The following TRIOBP variants were observed in gnomAD, a reference collection of about 807,000 sequenced individuals.
TRIOBP encodes the protein TRIO and F-actin-binding protein.
In TRIOBP, 169 loss-of-function variants were observed where a neutral mutation model predicts 238.8. That is an observed-to-expected ratio of 0.71 (90% confidence interval 0.62 to 0.80). The LOEUF (loss-of-function observed/expected upper bound fraction) is 0.80, where lower values mean the gene tolerates loss of function less well. TRIOBP is among the 30% of genes least tolerant of loss of function. The pLI, the probability that TRIOBP is intolerant of heterozygous loss-of-function variation, is 0.00. For missense variants in TRIOBP, 2,838 were observed against 3,122.6 expected (o/e 0.91, Z 2.17); for synonymous variants, 1,150 against 1,274.4 (o/e 0.90, Z 2.08).
At chr22:37,715,673 CCCTT>C in intron 5 of TRIOBP, 86 bp from the exon 6 acceptor site, 1 of 1,466,466 alleles carries the variant, frequency 6.8e-7, no homozygotes, top group South Asian at 1.2e-5. Context: ...CAATTCCCTT[CCCTT>C]CCTTCTGCCC....
chr22:37,737,660 CAAA>C (rs35569585), intron 9 of TRIOBP, among the ~76,000 whole-genome samples: 2 of 92,942 alleles, frequency 2.2e-5, no homozygotes, highest in Non-Finnish European at 4.4e-5. Flanking sequence ...GACTCCATCT[CAAA>C]AAAAAAAAAA....
At chr22:37,736,650 G>A (rs113885099) in intron 9 of TRIOBP, among the ~76,000 whole-genome samples, 213 of 152,260 alleles carry the variant, frequency 1.4e-3, no homozygotes, top group African/African-American at 4.5e-3. Context: ...TTATTGAGAC[G>A]GAGTTTCGCT....
At chr22:37,705,242 G>T (rs1214475740) in intron 3 of TRIOBP, among the ~76,000 whole-genome samples, 1 of 152,020 alleles carries the variant, frequency 6.6e-6, no homozygotes, top group African/African-American at 2.4e-5. Context: ...ACATGTGGTG[G>T]TGGGTGCCTG....
At chr22:37,702,463 C>T (rs953340748) in intron 3 of TRIOBP, among the ~76,000 whole-genome samples, 1 of 151,978 alleles carries the variant, frequency 6.6e-6, no homozygotes, top group East Asian at 1.9e-4. Context: ...CTCAGCCTCC[C>T]AAAGTGTTGG....
chr22:37,757,942 C>T lies in TRIOBP; in HGVS notation c.6017C>T (p.Pro2006Leu), dbSNP rs1230439079. 18 of 1,557,624 alleles carry T rather than the reference C, an allele frequency of 1.2e-5. No homozygotes were observed. The highest frequency in any genetic ancestry group is 1.7e-4 in the Middle Eastern group (1 of 5,826). ...CCAGAGGTGCCTGCTGGTGAGGGGC[C>T]GCGCCGGGGCCTGGGTGCCCCCCTG... Reference protein sequence around the residue: ...RTPEVPAGEGPRRGLGAPLTE... With the variant: ...RTPEVPAGEGLRRGLGAPLTE... Residue 2006 changes from proline to leucine, a missense_variant, in exon 16 of 24, where the codon CCG becomes CTG. By Grantham distance (98) the Pro-to-Leu change is moderately conservative. Around this residue, in one of 5 missense-constraint regions of TRIOBP, gnomAD observed 2,096 missense variants for 2,137.4 expected, o/e 0.98. Transcript: ENST00000644935.
intron 19 of TRIOBP, among the ~76,000 whole-genome samples, chr22:37,768,700 C>T (rs1033115835): frequency 2.0e-5 from 3 of 152,004 alleles, no homozygotes; most frequent in Non-Finnish European, 2.9e-5. Flanking sequence ...ACTTGGGAGG[C>T]TGAGGCAGGA....
rs547193607 is a variant in TRIOBP at position 37,767,457 on chromosome 22, G to A, written c.6473-617G>A. ...AGCTCACAATCTGAGAATAAAGCCA[G>A]CAGGAGCTAATGTTGGGGCATTTAC... On this transcript the variant is annotated intron_variant, in intron 18 of 23. Transcript: ENST00000644935. Among the ~76,000 whole-genome samples the A allele has an allele frequency of 7.9e-5, 12 of 152,304 alleles. No homozygotes were observed. In the South Asian group the frequency reaches 2.3e-3, roughly 29 times the overall value.
Position 37,774,139 on chromosome 22 carries a change from A to T in TRIOBP, c.*359A>T, listed in dbSNP as rs78102894. On this transcript the variant is annotated 3_prime_UTR_variant, in exon 24 of 24. Transcript: ENST00000644935. ...TTTATACTTTAAAAAAAAAAAAAAAAAGCAATTCCTGGTGGCTGTGTGCCT... is the reference window on the plus strand; with the variant it reads ...TTTATACTTTAAAAAAAAAAAAAAATAGCAATTCCTGGTGGCTGTGTGCCT... 2.0e-5 allele frequency: 3 copies of T among 151,690 alleles called. No homozygotes were observed. The highest frequency in any genetic ancestry group is 2.0e-4 in the Admixed American group (3 of 15,172). 9.4% of individuals were successfully genotyped at this position (151,690 alleles called of 1,614,324 possible).
chr22:37,765,408 G>C (rs1001778028), intron 17 of TRIOBP, among the ~76,000 whole-genome samples: 1 of 151,924 alleles, frequency 6.6e-6, no homozygotes, highest in Non-Finnish European at 1.5e-5. Flanking sequence ...GGATGAGAAC[G>C]TAAAGGTCAG....
chr22:37,769,145 C>T lies in TRIOBP; in HGVS notation c.6693C>T (p.Arg2231=), dbSNP rs751291030. The T allele has an allele frequency of 2.0e-5, 33 of 1,612,040 alleles. No individual in the cohort carries two copies. The highest frequency in any genetic ancestry group is 3.4e-4 in the Middle Eastern group (2 of 5,946). Reference sequence around the variant, plus strand: ...CTGAGGAGCGCGAGCACACGCTGCGCCGCTGCCAGCAGGAGGGCCAGGAGC... The same window carrying T: ...CTGAGGAGCGCGAGCACACGCTGCGTCGCTGCCAGCAGGAGGGCCAGGAGC... The part of the protein sequence containing the change: ...RQAEEREHTL[R]RCQQEGQELL... The change falls in exon 20 of 24, where the codon CGC becomes CGT. Residue 2231 remains arginine (R), a synonymous_variant. Coordinates refer to ENST00000644935, the MANE Select transcript of TRIOBP (RefSeq NM_001039141.3).
At position 37,726,429 on chromosome 22, in the gene TRIOBP, GCAGTGCAGCAGCGGGGGCCGCACCCA is replaced by G. The variant is rs1924164939; in HGVS notation, c.3877_3902del (p.Cys1293ProfsTer79). ...CCCAGAGACAGCCAGGGCCCCAGGC[GCAGTGCAGCAGCGGGGGCCGCACCCA>G]CAGCCCTGGCCGTGCAGAGGTGGAG... On this transcript the variant is annotated frameshift_variant, in exon 7 of 24. Transcript: ENST00000644935. LOFTEE classifies it high-confidence loss of function. 2 of 1,583,014 alleles carry G rather than the reference GCAGTGCAGCAGCGGGGGCCGCACCCA, an allele frequency of 1.3e-6. No homozygotes were observed. Among genetic ancestry groups the G allele is most frequent in the East Asian group, 2.3e-5 (1 of 44,190 alleles).
rs1441732275 is a variant in TRIOBP, at chr22:37,725,447, C to T, written c.2891C>T (p.Ser964Phe). 1 of 1,612,150 alleles carries T rather than the reference C, an allele frequency of 6.2e-7. No individual in the cohort carries two copies. The highest frequency in any genetic ancestry group is 1.3e-5 in the African/African-American group (1 of 74,994). Residue 964 changes from serine (S) to phenylalanine (F), a missense_variant, in exon 7 of 24, where the codon TCC becomes TTC. Physicochemically the swap from Ser to Phe is radical, Grantham distance 155. Coordinates refer to ENST00000644935, the MANE Select transcript of TRIOBP (RefSeq NM_001039141.3). ...RPAQHDPPQS[S>F]FGPTQYNLPS... Reference sequence around the variant, plus strand: ...GCCCAGCATGACCCACCCCAGTCCTCCTTTGGCCCCACCCAGTACAACTTG... The same window carrying T: ...GCCCAGCATGACCCACCCCAGTCCTTCTTTGGCCCCACCCAGTACAACTTG...
At chr22:37,759,299 G>A (rs1321048794) in intron 17 of TRIOBP, 35 bp downstream of exon 17, 1 of 1,589,144 alleles carries the variant, frequency 6.3e-7, no homozygotes, top group Non-Finnish European at 8.6e-7. Context: ...GGGGGAGGGG[G>A]CAGATTTCTG....
At chr22:37,752,288 G>T (rs527984663) in intron 12 of TRIOBP, among the ~76,000 whole-genome samples, 2 of 152,298 alleles carry the variant, frequency 1.3e-5, no homozygotes, top group East Asian at 3.9e-4. Context: ...TGTGACATGG[G>T]CATAATGGAT....
At position 37,724,730 on chromosome 22, in the gene TRIOBP, C is replaced by G; in HGVS notation, c.2174C>G (p.Ala725Gly). The change falls in exon 7 of 24, where the codon GCC (alanine) becomes GGC (glycine). Residue 725 changes from alanine (A) to glycine (G), a missense_variant. By Grantham distance (60) the Ala-to-Gly change is moderately conservative (BLOSUM62 0). Coordinates refer to ENST00000644935, the MANE Select transcript of TRIOBP (RefSeq NM_001039141.3). The part of the protein sequence containing the change: ...TQQENPRTSC[A>G]RRDNPRASSR... ...CAAGAGAACCCCAGAACATCCTGTG[C>G]CCGACGGGACAATCCCAGAGCCTCC... 1 of 1,610,984 alleles carries G rather than the reference C, an allele frequency of 6.2e-7. No individual in the cohort carries two copies.
intron 1 of TRIOBP, among the ~76,000 whole-genome samples, 183 bp from the exon 2 acceptor site, chr22:37,697,405 T>A (rs1248537935): frequency 1.3e-5 from 2 of 152,092 alleles, no homozygotes; most frequent in Non-Finnish European, 2.9e-5. Flanking sequence ...CGCTCCTTTA[T>A]GTGGCCAGAC....
At chr22:37,757,427 CA>C (rs1354200160) in intron 15 of TRIOBP, among the ~76,000 whole-genome samples, 185 bp from the exon 16 acceptor site, 2 of 152,078 alleles carry the variant, frequency 1.3e-5, no homozygotes, top group African/African-American at 2.4e-5. Flanking sequence ...CCTGGGCTGT[CA>C]AGAGGTGGAG....
At chr22:37,759,498 C>T (rs970338501) in intron 17 of TRIOBP, 2 of 1,607,094 alleles carry the variant, frequency 1.2e-6, no homozygotes, top group Non-Finnish European at 1.7e-6. Context: ...CAAGGTCACC[C>T]CGCCTGCAGG....
At position 37,774,334 on chromosome 22, in the gene TRIOBP, TC is replaced by T. The variant is rs1926939216; in HGVS notation, c.*556del. On this transcript the variant is annotated 3_prime_UTR_variant, in exon 24 of 24. Transcript: ENST00000644935. ...TCCTGCCCTACCTCCTACTAACACT[TC>T]CTGCCCCATTTGGACCCGTACCATG... 6.6e-6 allele frequency: 1 copy of T among 152,134 alleles called. No individual in the cohort carries two copies. The highest frequency in any genetic ancestry group is 2.4e-5 in the African/African-American group (1 of 41,380). 9.4% of individuals were successfully genotyped at this position (152,134 alleles called of 1,614,324 possible).
Sources: gnomAD v4.1 joint callset for allele counts (sites outside exome capture counted in the v4.1 genomes callset) on GRCh38, gnomAD v4.1.1 for gene constraint, gnomAD v4.1.1 regional missense constraint, MANE v1.5 for transcripts, NCBI Gene and HGNC (gene_info 2026-07-23, HGNC 2026-07-21) for gene names.